The following HS2ST1 variants were observed in gnomAD, a reference collection of about 807,000 sequenced individuals.
The protein encoded by HS2ST1 is heparan sulfate 2-O-sulfotransferase 1.
A neutral mutation model predicts 42.9 loss-of-function variants in HS2ST1; 18 were observed. The ratio of observed to expected loss-of-function variants is 0.42; its 90% CI spans 0.29 to 0.62. HS2ST1 has a LOEUF of 0.62. Among genes scored for constraint, HS2ST1 ranks in the 20% least tolerant of loss-of-function variants. The pLI is 0.21. For missense variants in HS2ST1, 334 were observed against 433.8 expected, an observed-to-expected ratio of 0.77 and a Z score of 2.04; for synonymous variants, 146 against 152.9, an observed-to-expected ratio of 0.95 and a Z score of 0.33.
At chr1:86,954,906 A>G (rs1056673186) in intron 1 of HS2ST1, among the ~76,000 whole-genome samples, 1 of 152,146 alleles carries the variant, frequency 6.6e-6, no homozygotes, top group African/African-American at 2.4e-5. Context: ...AGACCAGCCT[A>G]TGCAACATAG....
intron 2 of HS2ST1, among the ~76,000 whole-genome samples, chr1:87,077,230 AT>A (rs1480589014): frequency 1.3e-5 from 2 of 152,184 alleles, no homozygotes; most frequent in Non-Finnish European, 2.9e-5. Context: ...TAGGGTACTT[AT>A]CTTTAAATTG....
chr1:86,975,135 T>C (rs1648359017), intron 1 of HS2ST1, among the ~76,000 whole-genome samples: 1 of 152,182 alleles, frequency 6.6e-6, no homozygotes, highest in Non-Finnish European at 1.5e-5. Context: ...ACCTTAAATT[T>C]AATTTATTCT....
chr1:87,065,460 C>T (rs1570524213), intron 1 of HS2ST1, among the ~76,000 whole-genome samples: 3 of 152,146 alleles, frequency 2.0e-5, no homozygotes, highest in South Asian at 2.1e-4. Context: ...TCTTTACTTA[C>T]GAGTAACCTA....
chr1:86,943,443 G>C (rs1224562940), intron 1 of HS2ST1, among the ~76,000 whole-genome samples: 1 of 152,148 alleles, frequency 6.6e-6, no homozygotes. Context: ...TAGTCCGGGT[G>C]CAGTGCCCCA....
At chr1:87,020,191 A>T (rs1271204503) in intron 1 of HS2ST1, among the ~76,000 whole-genome samples, 1 of 152,222 alleles carries the variant, frequency 6.6e-6, no homozygotes, top group Non-Finnish European at 1.5e-5. Context: ...TATCACAAGG[A>T]ACTCTGGCCA....
intron 1 of HS2ST1, among the ~76,000 whole-genome samples, chr1:86,937,975 T>C (rs1014856122): frequency 4.6e-5 from 7 of 152,192 alleles, no homozygotes; most frequent in African/African-American, 1.7e-4. Flanking sequence ...GTCATTGCCC[T>C]TTATTACATG....
intron 1 of HS2ST1, among the ~76,000 whole-genome samples, chr1:86,925,091 C>T (rs1029170621): frequency 6.6e-6 from 1 of 152,184 alleles, no homozygotes; most frequent in African/African-American, 2.4e-5. Context: ...TCATCTCTCT[C>T]AAGTTCAAAG....
In HS2ST1 at chr1:86,960,254, C is replaced by G. The variant is rs1388256818; in HGVS notation, c.124+45094C>G. ...AAAAAAAAAAAAAAAAGAATCTTGACACAGACTTTATACTTTTCACAAAAA... is the reference window on the plus strand; with the variant it reads ...AAAAAAAAAAAAAAAAGAATCTTGAGACAGACTTTATACTTTTCACAAAAA... On this transcript the variant is annotated intron_variant, in intron 1 of 6. Coordinates refer to ENST00000370550, the MANE Select transcript of HS2ST1 (RefSeq NM_012262.4). Among the ~76,000 whole-genome samples the G allele has an allele frequency of 2.1e-5, 3 of 142,526 alleles. No individual in the cohort carries two copies. The East Asian group carries it at 6.1e-4, about 29-fold the overall frequency. The allele number at this position is 142,526 out of a possible 152,430, so 93.5% of individuals were successfully genotyped here.
intron 1 of HS2ST1, among the ~76,000 whole-genome samples, chr1:87,054,902 C>T (rs1650922679): frequency 6.6e-6 from 1 of 152,188 alleles, no homozygotes; most frequent in Non-Finnish European, 1.5e-5. Context: ...GTGTAGTAAA[C>T]AATCGAGATT....
In HS2ST1 at chr1:87,040,606, A is replaced by G. The variant is rs79974756; in HGVS notation, c.125-32328A>G. On this transcript the variant is annotated intron_variant, in intron 1 of 6. Transcript: ENST00000370550. ...GGTACTAGAAGGAAGTGAGAAGAAT[A>G]ATGTTCTGTGGCCCTTTCAGAACCT... Among the ~76,000 whole-genome samples the G allele has an allele frequency of 7.8e-3, 1,193 of 152,286 alleles. 12 individuals carry two copies. The highest frequency in any genetic ancestry group is 0.027 in the African/African-American group (1,123 of 41,554).
chr1:86,984,906 CAAA>C (rs34820915), intron 1 of HS2ST1, among the ~76,000 whole-genome samples: 1,646 of 118,064 alleles, frequency 0.014, 13 homozygotes, highest in Middle Eastern at 0.039. Context: ...ATCTCCGTCT[CAAA>C]AAAAAAAAAA....
At chr1:87,084,655 G>A (rs907387098) in intron 3 of HS2ST1, among the ~76,000 whole-genome samples, 56 of 152,110 alleles carry the variant, frequency 3.7e-4, no homozygotes, top group African/African-American at 1.2e-3. Context: ...GCTCCAGTGT[G>A]TCTGCTTCTC....
chr1:86,974,515 A>G (rs1648336343), intron 1 of HS2ST1, among the ~76,000 whole-genome samples: 1 of 152,236 alleles, frequency 6.6e-6, no homozygotes, highest in African/African-American at 2.4e-5. Context: ...TTATCAAACC[A>G]AATGGAGGAT....
At chr1:86,971,882 A>G (rs1171685978) in intron 1 of HS2ST1, among the ~76,000 whole-genome samples, 2 of 152,214 alleles carry the variant, frequency 1.3e-5, no homozygotes, top group African/African-American at 4.8e-5. Context: ...TATGAAAACT[A>G]TCACTCTTCA....
At chr1:86,976,291 TTG>T (rs2102214953) in intron 1 of HS2ST1, among the ~76,000 whole-genome samples, 1 of 152,282 alleles carries the variant, frequency 6.6e-6, no homozygotes, top group Non-Finnish European at 1.5e-5. Context: ...ATTTTTAAAG[TTG>T]TTGCCATGGC....
chr1:87,034,455 T>C (rs1557522421), intron 1 of HS2ST1, among the ~76,000 whole-genome samples: 1 of 152,222 alleles, frequency 6.6e-6, no homozygotes, highest in South Asian at 2.1e-4. Context: ...TTGTTCAAGC[T>C]ATAGTAATTC....
At chr1:86,986,039 C>CT (rs11377612) in intron 1 of HS2ST1, among the ~76,000 whole-genome samples, 84,844 of 133,718 alleles carry the variant, frequency 0.63, 27,631 homozygotes, top group South Asian at 0.71. Flanking sequence ...AGCTTGGCCT[C>CT]TTTTTTTTTT....
chr1:86,921,325 G>A (rs1660291367), intron 1 of HS2ST1, among the ~76,000 whole-genome samples: 1 of 152,094 alleles, frequency 6.6e-6, no homozygotes, highest in Non-Finnish European at 1.5e-5. Context: ...GTATTTTGAA[G>A]TGCTGTGATT....
At chr1:87,056,782 A>T (rs768764616) in intron 1 of HS2ST1, among the ~76,000 whole-genome samples, 25 of 152,198 alleles carry the variant, frequency 1.6e-4, no homozygotes, top group Non-Finnish European at 2.6e-4. Context: ...AATATTTTTC[A>T]AATGACAGTG....
Sources: gnomAD v4.1 joint callset for allele counts (sites outside exome capture counted in the v4.1 genomes callset) on GRCh38, gnomAD v4.1.1 for gene constraint, MANE v1.5 for transcripts, NCBI Gene and HGNC (gene_info 2026-07-23, HGNC 2026-07-21) for gene names.